Variants in PRUNE1 observed in about 807,000 individuals in gnomAD.
The protein encoded by PRUNE1 is prune exopolyphosphatase 1.
PRUNE1 carries 25 observed loss-of-function variants against 42.5 expected under a neutral mutation model. That is an observed-to-expected ratio of 0.59 (90% CI 0.43 to 0.82). The LOEUF is 0.82. Ranked by LOEUF, PRUNE1 falls within the 40% of genes least tolerant of loss-of-function variation. The pLI is 0.00. For missense variants in PRUNE1, 443 were observed against 539.3 expected (o/e 0.82, Z 1.77); for synonymous variants, 203 against 217.1 (o/e 0.93, Z 0.57).
At chr1:151,017,628 C>T (rs587662110) in intron 1 of PRUNE1, among the ~76,000 whole-genome samples, 184 bp from the exon 2 acceptor site, 13 of 152,026 alleles carry the variant, frequency 8.6e-5, no homozygotes, top group Non-Finnish European at 1.5e-4. Flanking sequence ...TCCAGCTACT[C>T]AGGAGGATCG....
intron 3 of PRUNE1, among the ~76,000 whole-genome samples, chr1:151,019,073 C>T (rs974913943): frequency 6.6e-6 from 1 of 152,026 alleles, no homozygotes; most frequent in South Asian, 2.1e-4. Flanking sequence ...TTTCAGGGAT[C>T]TCATAGGCTA....
intron 3 of PRUNE1, among the ~76,000 whole-genome samples, chr1:151,019,375 T>C (rs964792010): frequency 1.3e-5 from 2 of 151,986 alleles, no homozygotes; most frequent in African/African-American, 4.8e-5. Context: ...CTGAGCAACA[T>C]GGCAAAACCA....
rs755835886 is a variant in PRUNE1 at position 151,025,387 on chromosome 1, T to G, written c.521-128T>G. ...ACACTGTCCATCCCAGTTTCTCATT[T>G]TGCTTTCAGAGATTTTGCTATACAA... On this transcript the variant is annotated intron_variant, in intron 4 of 7. Transcript: ENST00000271620. 2.1e-4 allele frequency: 192 copies of G among 935,374 alleles called. 3 individuals are homozygous for G. In the Middle Eastern group the frequency reaches 6.5e-3, roughly 32 times the overall value. 57.9% of individuals were successfully genotyped at this position (935,374 alleles called of 1,614,324 possible). A position where few individuals can be genotyped will look rare whatever the true frequency, so the allele number is the denominator to read the frequency against.
rs587672783 is a variant in PRUNE1, at chr1:151,033,552, G to A, written c.934-254G>A. On this transcript the variant is annotated intron_variant, in intron 7 of 7. Transcript: ENST00000271620. ...ACTACAGGCACCCGCCACCATGCCC[G>A]GCTAATTTTTTGTATTTTTAGTAGA... Among the ~76,000 whole-genome samples the A allele has an allele frequency of 9.9e-5, 15 of 151,544 alleles. No individual in the cohort carries two copies. In the South Asian group the frequency reaches 2.5e-3, roughly 25 times the overall value.
chr1:151,033,701 C>G, intron 7 of PRUNE1, 105 bp from the exon 8 acceptor site: 1 of 1,228,054 alleles, frequency 8.1e-7, no homozygotes, highest in South Asian at 1.5e-5. Flanking sequence ...GGCCGACTTA[C>G]TTTTTAAAAG....
At chr1:151,009,224 A>G (rs1673587153) in intron 1 of PRUNE1, among the ~76,000 whole-genome samples, 1 of 152,104 alleles carries the variant, frequency 6.6e-6, no homozygotes, top group Admixed American at 6.6e-5. Context: ...ATTTTACTTT[A>G]AGTCAGTGTT....
At chr1:151,020,294 T>TA (rs1558079006) in intron 3 of PRUNE1, among the ~76,000 whole-genome samples, 1 of 151,302 alleles carries the variant, frequency 6.6e-6, no homozygotes, top group Non-Finnish European at 1.5e-5. Context: ...CTACTAAAAA[T>TA]AAAAAAATTT....
chr1:151,027,425 T>C, intron 6 of PRUNE1, 98 bp downstream of exon 6: 2 of 800,944 alleles, frequency 2.5e-6, no homozygotes, highest in South Asian at 3.1e-5. Flanking sequence ...ACCTCCAAAA[T>C]GTATCTTGTG....
chr1:151,008,670 A>T lies in PRUNE1; in HGVS notation c.38A>T (p.Gln13Leu). 1.9e-6 allele frequency: 3 copies of T among 1,614,034 alleles called. No homozygotes were observed. The highest frequency in any genetic ancestry group is 2.5e-6 in the Non-Finnish European group (3 of 1,179,984). The change falls in exon 1 of 8, where the codon CAG becomes CTG. Residue 13 changes from glutamine (Q) to leucine (L), a missense_variant and splice_region_variant. Physicochemically the swap from Gln to Leu is moderately radical, Grantham distance 113 (BLOSUM62 -2). Transcript: ENST00000271620. ...CTGCAGGGTTGTCGAGCTGCTCTGC[A>T]GGTAACGAATCCCTGTCTGTGACTG... ...DYLQGCRAALQESRPLHVVLG... is the reference protein window; with the variant it reads ...DYLQGCRAALLESRPLHVVLG...
intron 3 of PRUNE1, among the ~76,000 whole-genome samples, chr1:151,020,746 C>T (rs1197939637): frequency 6.6e-6 from 1 of 152,000 alleles, no homozygotes; most frequent in Non-Finnish European, 1.5e-5. Flanking sequence ...CTTTGGGAGG[C>T]TGAGGGGGGC....
chr1:151,024,113 G>A (rs1163237160), intron 3 of PRUNE1, among the ~76,000 whole-genome samples: 6 of 151,668 alleles, frequency 4.0e-5, no homozygotes, highest in Admixed American at 6.6e-5. Context: ...ACTTGAACCC[G>A]GGAGGTGGAG....
Position 151,026,319 on chromosome 1 carries a change from G to A in PRUNE1, c.679+646G>A, listed in dbSNP as rs1371907389. On this transcript the variant is annotated intron_variant, in intron 5 of 7. Coordinates refer to ENST00000271620, the MANE Select transcript of PRUNE1 (RefSeq NM_021222.3). ...TAAAAATACGAAAAATTAGCTGAGC[G>A]TGGTGGTGTGTGCCTGTAATCCCAT... Among the ~76,000 whole-genome samples, 4 of 151,986 alleles carry A rather than the reference G, an allele frequency of 2.6e-5. No homozygotes were observed. The South Asian group carries it at 6.2e-4, about 24-fold the overall frequency.
At chr1:151,013,881 T>C (rs1035751678) in intron 1 of PRUNE1, among the ~76,000 whole-genome samples, 1 of 152,194 alleles carries the variant, frequency 6.6e-6, no homozygotes, top group African/African-American at 2.4e-5. Context: ...GAGGAGTTAC[T>C]ATAGGACTGG....
intron 1 of PRUNE1, among the ~76,000 whole-genome samples, chr1:151,014,425 A>G (rs1195130892): frequency 6.6e-6 from 1 of 152,150 alleles, no homozygotes; most frequent in South Asian, 2.1e-4. Context: ...GGAGATGGCG[A>G]CGAGGGTGGT....
rs772123735 is a variant in PRUNE1 at position 151,025,684 on chromosome 1, T to TG, written c.679+11_679+12insG. On this transcript the variant is annotated intron_variant, in intron 5 of 7. Coordinates refer to ENST00000271620, the MANE Select transcript of PRUNE1 (RefSeq NM_021222.3). ...AGTTTGATGTATCAGGTATGAAATGTTAGCTGACTTTTCTGCCTCCCAGAT... is the reference window on the plus strand; with the variant it reads ...AGTTTGATGTATCAGGTATGAAATGTGTAGCTGACTTTTCTGCCTCCCAGAT... 14 of 1,603,230 alleles carry TG rather than the reference T, an allele frequency of 8.7e-6. No homozygotes were observed. The highest frequency in any genetic ancestry group is 1.2e-5 in the Non-Finnish European group (14 of 1,174,846).
At chr1:151,027,781 T>TGTGCGC (rs764369341) in intron 6 of PRUNE1, among the ~76,000 whole-genome samples, 56 of 142,600 alleles carry the variant, frequency 3.9e-4, no homozygotes, top group African/African-American at 9.5e-4. Flanking sequence ...TGTGTGTGTG[T>TGTGCGC]GCGCGCGCGT....
chr1:151,023,997 A>G (rs1339643729), intron 3 of PRUNE1, among the ~76,000 whole-genome samples: 1 of 152,090 alleles, frequency 6.6e-6, no homozygotes, highest in Non-Finnish European at 1.5e-5. Flanking sequence ...CCTGACCAAC[A>G]TGGTGAAACC....
intron 1 of PRUNE1, chr1:151,008,904 G>T: frequency 1.5e-6 from 1 of 676,384 alleles, no homozygotes; most frequent in Non-Finnish European, 2.7e-6. Context: ...CCGCCTTTGG[G>T]GTCCGCCTGA....
chr1:151,026,188 G>A (rs1259890811), intron 5 of PRUNE1, among the ~76,000 whole-genome samples: 1 of 151,738 alleles, frequency 6.6e-6, no homozygotes, highest in African/African-American at 2.4e-5. Flanking sequence ...CAGACGCAGT[G>A]GCTCACGCCT....
Sources: gnomAD v4.1 joint callset for allele counts (sites outside exome capture counted in the v4.1 genomes callset) on GRCh38, gnomAD v4.1.1 for gene constraint, MANE v1.5 for transcripts, NCBI Gene and HGNC (gene_info 2026-07-23, HGNC 2026-07-21) for gene names.